Variants in RIPOR2 observed in about 807,000 individuals in gnomAD.
The protein encoded by RIPOR2 is RHO family interacting cell polarization regulator 2, also known as rho family-interacting cell polarization regulator 2.
In RIPOR2, 39 loss-of-function variants were observed where a neutral mutation model predicts 114.5. That is an observed-to-expected ratio of 0.34 (90% CI 0.26 to 0.44). The LOEUF (loss-of-function observed/expected upper bound fraction) is 0.44, where lower values mean the gene tolerates loss of function less well. Ranked by LOEUF, RIPOR2 falls within the 20% of genes least tolerant of loss-of-function variation. The pLI, the probability that RIPOR2 is intolerant of heterozygous loss-of-function variation, is 1.00. For synonymous variants in RIPOR2, 445 were observed against 484.4 expected, an observed-to-expected ratio of 0.92 and a Z score of 1.07; for missense variants, 1,007 against 1,255.1, an observed-to-expected ratio of 0.80 and a Z score of 2.99.
chr6:24,995,509 C>T (rs1207860556), intron 1 of RIPOR2, among the ~76,000 whole-genome samples: 2 of 152,190 alleles, frequency 1.3e-5, no homozygotes, highest in Non-Finnish European at 2.9e-5. Context: ...CAATCCACCC[C>T]TTCTACACAG....
chr6:24,820,869 CTTTTTTTTTT>C (rs34770819), intron 19 of RIPOR2, among the ~76,000 whole-genome samples: 2 of 84,052 alleles, frequency 2.4e-5, no homozygotes, highest in South Asian at 8.3e-4. Flanking sequence ...GTTTAACACT[CTTTTTTTTTT>C]TTTTTTTTTT....
At chr6:24,997,830 G>A (rs890980955) in intron 1 of RIPOR2, among the ~76,000 whole-genome samples, 4 of 152,144 alleles carry the variant, frequency 2.6e-5, no homozygotes, top group African/African-American at 4.8e-5. Context: ...AGTGTGGCCC[G>A]TGAGCAGCAT....
At chr6:24,806,748 T>C (rs969811050) in intron 21 of RIPOR2, among the ~76,000 whole-genome samples, 1 of 152,242 alleles carries the variant, frequency 6.6e-6, no homozygotes, top group East Asian at 1.9e-4. Context: ...TTGATGTTGA[T>C]GATTTCATAT....
intron 10 of RIPOR2, 114 bp downstream of exon 10, chr6:24,850,483 C>T (rs1762778989): frequency 1.8e-6 from 2 of 1,103,400 alleles, no homozygotes; most frequent in East Asian, 2.4e-5. Context: ...TAGACTTGTG[C>T]AGAAAAGTCT....
At chr6:24,935,784 G>A (rs1165903823) in intron 1 of RIPOR2, 54 bp downstream of exon 1, 1 of 1,342,226 alleles carries the variant, frequency 7.5e-7, no homozygotes, top group Non-Finnish European at 1.0e-6. Context: ...GTCCAGTGGT[G>A]TCAAAACAAA....
intron 1 of RIPOR2, among the ~76,000 whole-genome samples, chr6:24,982,716 T>C (rs1452695655): frequency 6.6e-6 from 1 of 152,182 alleles, no homozygotes; most frequent in Non-Finnish European, 1.5e-5. Flanking sequence ...TCCTAATAAA[T>C]GTGAAATACC....
chr6:24,976,280 T>C (rs1561820007), intron 1 of RIPOR2: 2 of 648,924 alleles, frequency 3.1e-6, no homozygotes, highest in Non-Finnish European at 5.4e-6. Context: ...TATTAGAACG[T>C]ATATATGCCT....
intron 1 of RIPOR2, among the ~76,000 whole-genome samples, chr6:24,955,593 TCTTA>T (rs1581870148): frequency 6.6e-6 from 1 of 152,004 alleles, no homozygotes; most frequent in East Asian, 1.9e-4. Flanking sequence ...AGCATGACTC[TCTTA>T]CTTTCTTCTC....
Position 25,024,002 on chromosome 6 carries a change from C to A in RIPOR2, c.76+17849G>T, listed in dbSNP as rs1581970561. ...GGGATAGGAATCCCGTGCTGCTTTG[C>A]GTATTCCATCAGGTCATTACGGCCC... is the stretch of plus-strand genomic sequence containing the variant. On this transcript the variant is annotated intron_variant, in intron 1 of 13. Transcript: ENST00000510784. 1.3e-5 allele frequency: 10 copies of A among 745,384 alleles called. No homozygotes were observed. In the East Asian group the frequency reaches 2.3e-4, roughly 17 times the overall value. 46.2% of individuals were successfully genotyped at this position (745,384 alleles called of 1,614,324 possible).
intron 10 of RIPOR2, among the ~76,000 whole-genome samples, chr6:24,850,283 C>T (rs1581590735): frequency 2.0e-5 from 3 of 151,162 alleles, no homozygotes; most frequent in Admixed American, 6.6e-5. Context: ...TTTGTAGAGA[C>T]GGCGTTTTGC....
chr6:24,973,318 C>A (rs1422616700), intron 1 of RIPOR2, among the ~76,000 whole-genome samples: 1 of 152,008 alleles, frequency 6.6e-6, no homozygotes, highest in Non-Finnish European at 1.5e-5. Flanking sequence ...CATCATCCTT[C>A]TAGGCTGGGC....
At chr6:24,984,938 G>A (rs533715279) in intron 1 of RIPOR2, among the ~76,000 whole-genome samples, 13 of 152,170 alleles carry the variant, frequency 8.5e-5, no homozygotes, top group African/African-American at 3.1e-4. Context: ...TTGCTGCTGA[G>A]GCTGGCACTG....
chr6:24,967,914 T>TCC (rs1561814376), intron 1 of RIPOR2, among the ~76,000 whole-genome samples: 1 of 148,422 alleles, frequency 6.7e-6, no homozygotes, highest in Non-Finnish European at 1.5e-5. Context: ...TCAATCTTTT[T>TCC]TTTTTTTTTT....
intron 17 of RIPOR2, 62 bp from the exon 18 acceptor site, chr6:24,828,357 T>G: frequency 8.8e-7 from 1 of 1,133,414 alleles, no homozygotes. Flanking sequence ...CATTCATTCA[T>G]TCAATAATTT....
intron 15 of RIPOR2, among the ~76,000 whole-genome samples, chr6:24,833,307 C>A (rs1370015629): frequency 6.6e-6 from 1 of 152,008 alleles, no homozygotes; most frequent in African/African-American, 2.4e-5. Flanking sequence ...TTGAGACCAT[C>A]CTGGCCAACA....
intron 1 of RIPOR2, among the ~76,000 whole-genome samples, chr6:25,005,354 A>C (rs1451316362): frequency 1.3e-5 from 2 of 152,180 alleles, no homozygotes; most frequent in Non-Finnish European, 2.9e-5. Context: ...AAATCAATTT[A>C]CCAGACAAAA....
chr6:25,042,094 ACTT>A, upstream of RIPOR2: 1 of 524,670 alleles, frequency 1.9e-6, no homozygotes, highest in Non-Finnish European at 3.3e-6. Context: ...GCTTCCGTTG[ACTT>A]CTTTTATCTT....
intron 7 of RIPOR2, among the ~76,000 whole-genome samples, chr6:24,861,996 G>A (rs1286346485): frequency 2.6e-5 from 4 of 152,176 alleles, no homozygotes; most frequent in Admixed American, 6.5e-5. Context: ...AACCTACAGC[G>A]CCCCAAAAAT....
At chr6:25,020,742 TA>T (rs1246339279) in intron 1 of RIPOR2, among the ~76,000 whole-genome samples, 3 of 152,214 alleles carry the variant, frequency 2.0e-5, no homozygotes, top group African/African-American at 7.2e-5. Context: ...CCCAATGAGA[TA>T]AAAGAAAATA....
Sources: allele counts gnomAD v4.1 joint callset (sites outside exome capture counted in the v4.1 genomes callset), GRCh38; gene constraint gnomAD v4.1.1; transcripts MANE v1.5; gene names NCBI Gene and HGNC (gene_info 2026-07-23, HGNC 2026-07-21).